Variants in EFNA5 observed in about 807,000 individuals in gnomAD.
EFNA5 encodes ephrin-A5.
In EFNA5, 5 loss-of-function variants were observed where a neutral mutation model predicts 22.9. The ratio of observed to expected loss-of-function variants is 0.22; its 90% CI spans 0.11 to 0.46. The LOEUF is 0.46. Among genes scored for constraint, EFNA5 ranks in the 20% least tolerant of loss-of-function variants. EFNA5 has a pLI of 0.99. For missense variants in EFNA5, 237 were observed against 293.3 expected, an observed-to-expected ratio of 0.81 and a Z score of 1.40; for synonymous variants, 113 against 112.2, an observed-to-expected ratio of 1.01 and a Z score of -0.04.
At chr5:107,468,921 G>C (rs1750064404) in intron 1 of EFNA5, among the ~76,000 whole-genome samples, 1 of 152,176 alleles carries the variant, frequency 6.6e-6, no homozygotes, top group South Asian at 2.1e-4. Context: ...CAGTTTATGT[G>C]TTGATAGGAG....
chr5:107,443,791 T>C lies in EFNA5; in HGVS notation c.126-16282A>G, dbSNP rs193044241. ...GCTTAAAACCTAGATATCAGGTTGA[T>C]AGGTGCAGCAAACTACCATGGCACA... On this transcript the variant is annotated intron_variant, in intron 1 of 4. Transcript: ENST00000333274. 5.1e-4 allele frequency among the ~76,000 whole-genome samples: 78 copies of C among 152,300 alleles called. 1 individual carries two copies. Among genetic ancestry groups the C allele is most frequent in the Middle Eastern group, 3.4e-3 (1 of 294 alleles).
chr5:107,669,538 C>T (rs1042846608), intron 1 of EFNA5, among the ~76,000 whole-genome samples: 3 of 152,052 alleles, frequency 2.0e-5, no homozygotes, highest in African/African-American at 7.2e-5. Flanking sequence ...ATAACCTCCC[C>T]ACTCCACTTC....
At chr5:107,585,397 A>G (rs1167221997) in intron 1 of EFNA5, among the ~76,000 whole-genome samples, 3 of 152,186 alleles carry the variant, frequency 2.0e-5, no homozygotes, top group Non-Finnish European at 4.4e-5. Context: ...TGGCAGCAAC[A>G]GCCAATTCAA....
At chr5:107,577,883 G>T (rs77150802) in intron 1 of EFNA5, among the ~76,000 whole-genome samples, 1 of 152,020 alleles carries the variant, frequency 6.6e-6, no homozygotes, top group Non-Finnish European at 1.5e-5. Context: ...AACCTTTTTT[G>T]GAGCGCGGGG....
At chr5:107,383,845 T>A (rs1442443314) in intron 4 of EFNA5, among the ~76,000 whole-genome samples, 1 of 152,222 alleles carries the variant, frequency 6.6e-6, no homozygotes, top group Non-Finnish European at 1.5e-5. Context: ...TTGTTTTTCA[T>A]CTAAGTGAAG....
chr5:107,520,275 T>G (rs760394729), intron 1 of EFNA5, among the ~76,000 whole-genome samples: 174 of 152,282 alleles, frequency 1.1e-3, no homozygotes, highest in Non-Finnish European at 2.3e-3. Context: ...ACTAAAAGCT[T>G]TATAAAGGCA....
chr5:107,638,838 ATATACACACAC>A (rs1205328661), intron 1 of EFNA5, among the ~76,000 whole-genome samples: 3 of 151,496 alleles, frequency 2.0e-5, no homozygotes, highest in African/African-American at 7.4e-5. Flanking sequence ...ACACACACAC[ATATACACACAC>A]AAAAAAATAA....
Position 107,427,324 on chromosome 5 carries a change from C to T in EFNA5, c.311G>A (p.Arg104Gln), listed in dbSNP as rs1035548678. ...SKGFKRWECN[R>Q]PHSPNGPLKF... Reference sequence around the variant, plus strand: ...CAGCGGTCCATTTGGAGAGTGAGGCCGGTTACATTCCCATCTCTTGAACCC... The same window carrying T: ...CAGCGGTCCATTTGGAGAGTGAGGCTGGTTACATTCCCATCTCTTGAACCC... Residue 104 changes from arginine (R) to glutamine (Q), a missense_variant, in exon 2 of 5, where the codon CGG becomes CAG. Arg to Gln is a conservative substitution (Grantham distance 43). This residue lies in a region of EFNA5 where 120 missense variants were observed against 140.5 expected (regional missense o/e 0.85). Transcript: ENST00000333274. 11 of 1,613,940 alleles carry T rather than the reference C, an allele frequency of 6.8e-6. No homozygotes were observed. Among genetic ancestry groups the T allele is most frequent in the Admixed American group, 3.3e-5 (2 of 59,982 alleles).
At chr5:107,638,836 AC>A (rs1483760790) in intron 1 of EFNA5, among the ~76,000 whole-genome samples, 3 of 151,542 alleles carry the variant, frequency 2.0e-5, no homozygotes, top group African/African-American at 7.4e-5. Context: ...ATACACACAC[AC>A]ATATACACAC....
chr5:107,435,482 A>G (rs745794539), intron 1 of EFNA5, among the ~76,000 whole-genome samples: 3 of 152,106 alleles, frequency 2.0e-5, no homozygotes, highest in African/African-American at 4.8e-5. Context: ...AAACATGTCT[A>G]TCTTTCAGAT....
At chr5:107,515,083 C>G (rs1274229183) in intron 1 of EFNA5, among the ~76,000 whole-genome samples, 2 of 152,124 alleles carry the variant, frequency 1.3e-5, no homozygotes, top group African/African-American at 4.8e-5. Flanking sequence ...ACAAGATGGT[C>G]CCAATCAACT....
intron 1 of EFNA5, among the ~76,000 whole-genome samples, chr5:107,667,580 G>C (rs1223379008): frequency 6.6e-6 from 1 of 152,048 alleles, no homozygotes; most frequent in East Asian, 1.9e-4. Flanking sequence ...ATTTCAAATT[G>C]AATCTGTTAG....
chr5:107,621,183 A>G (rs1750030116), intron 1 of EFNA5, among the ~76,000 whole-genome samples: 1 of 152,222 alleles, frequency 6.6e-6, no homozygotes, highest in South Asian at 2.1e-4. Context: ...CTGGCAGAAG[A>G]TAACTTTAGC....
At chr5:107,412,118 C>T (rs1259960562) in intron 2 of EFNA5, among the ~76,000 whole-genome samples, 1 of 152,026 alleles carries the variant, frequency 6.6e-6, no homozygotes, top group Admixed American at 6.5e-5. Flanking sequence ...ACAAATAAGG[C>T]TTGCCAAAAT....
chr5:107,504,157 T>A (rs1288080055), intron 1 of EFNA5, among the ~76,000 whole-genome samples: 1 of 152,162 alleles, frequency 6.6e-6, no homozygotes, highest in African/African-American at 2.4e-5. Flanking sequence ...AAAAGAAAGG[T>A]CTTTTTTGTT....
chr5:107,411,041 A>C (rs1000669494), intron 2 of EFNA5, among the ~76,000 whole-genome samples: 3 of 152,232 alleles, frequency 2.0e-5, no homozygotes, highest in African/African-American at 4.8e-5. Context: ...AATATAAACC[A>C]CATTCTTTAA....
intron 1 of EFNA5, among the ~76,000 whole-genome samples, chr5:107,541,369 T>G (rs1217972177): frequency 1.3e-5 from 2 of 152,182 alleles, no homozygotes. Context: ...TTTTAACTCA[T>G]TAGAATTTTA....
intron 1 of EFNA5, among the ~76,000 whole-genome samples, chr5:107,629,851 G>C (rs929030791): frequency 4.6e-5 from 7 of 152,056 alleles, no homozygotes; most frequent in Admixed American, 4.6e-4. Context: ...GAGGTAAGGA[G>C]TTTGAGAACA....
chr5:107,434,918 A>G (rs1452461698), intron 1 of EFNA5, among the ~76,000 whole-genome samples: 1 of 152,230 alleles, frequency 6.6e-6, no homozygotes, highest in Non-Finnish European at 1.5e-5. Flanking sequence ...AAGGCAACCT[A>G]ATGTATTACA....
Sources: gnomAD v4.1 joint callset for allele counts (sites outside exome capture counted in the v4.1 genomes callset) on GRCh38, gnomAD v4.1.1 for gene constraint, gnomAD v4.1.1 regional missense constraint, MANE v1.5 for transcripts, NCBI Gene and HGNC (gene_info 2026-07-23, HGNC 2026-07-21) for gene names.